COL7A1: variants seen among roughly 807,000 people sequenced by gnomAD.
COL7A1 encodes the protein collagen alpha-1(VII) chain.
In COL7A1, 296 loss-of-function variants were observed where a neutral mutation model predicts 456.2. The observed-to-expected ratio is 0.65, with a 90% CI of 0.59 to 0.71. The LOEUF (loss-of-function observed/expected upper bound fraction) is 0.71. Among genes scored for constraint, COL7A1 ranks in the 30% least tolerant of loss-of-function variants. The pLI is 0.00. For synonymous variants in COL7A1, 1,464 were observed against 1,525.9 expected (o/e 0.96, Z 0.95); for missense variants, 3,441 against 4,017.2 (o/e 0.86, Z 3.88).
Position 48,566,774 on chromosome 3 carries a change from G to A in COL7A1, c.8227-37C>T, listed in dbSNP as rs768172048. On this transcript the variant is annotated intron_variant, in intron 111 of 118. Coordinates refer to ENST00000681320, the MANE Select transcript of COL7A1 (RefSeq NM_000094.4). The surrounding 1 kb of genome is among the most constrained non-coding windows in gnomAD (Gnocchi z 5.9). ...AGGGACCAAGTGAGCAGGGTCAGAG[G>A]CAGTGGGGATCAGAGTCAGGCAGGT... 2.9e-5 allele frequency: 47 copies of A among 1,611,094 alleles called. No homozygotes were observed. Among genetic ancestry groups the A allele is most frequent in the Non-Finnish European group, 3.8e-5 (45 of 1,178,196 alleles).
Position 48,567,921 on chromosome 3 carries a change from T to C in COL7A1, c.7876-30A>G. ...GGGAGAAAAGCAGATGAAGAAGTGA[T>C]TCCCAGACACCTCACTCTGTGACCC... On this transcript the variant is annotated intron_variant, in intron 106 of 118. Transcript: ENST00000681320. This position sits in a 1 kb window ranked among gnomAD's most constrained non-coding sequence, Gnocchi z 4.3. 1 of 1,613,808 alleles carries C rather than the reference T, an allele frequency of 6.2e-7. No homozygotes were observed. Among genetic ancestry groups the C allele is most frequent in the East Asian group, 2.2e-5 (1 of 44,874 alleles).
Position 48,568,871 on chromosome 3 carries a change from G to A in COL7A1, c.7687-16C>T. On this transcript the variant is annotated splice_polypyrimidine_tract_variant and intron_variant, in intron 103 of 118. Coordinates refer to ENST00000681320, the MANE Select transcript of COL7A1 (RefSeq NM_000094.4). The surrounding 1 kb of genome is among the most constrained non-coding windows in gnomAD (Gnocchi z 5.2). ...CCTTGCTGCCCTGTGGGAGTGACCA[G>A]GAGAGGGATTCAGTCAGGACCAGAT... is the stretch of plus-strand genomic sequence containing the variant. 6.4e-7 allele frequency: 1 copy of A among 1,567,492 alleles called. No individual in the cohort carries two copies. The highest frequency in any genetic ancestry group is 8.7e-7 in the Non-Finnish European group (1 of 1,154,760).
Position 48,568,853 on chromosome 3 carries a change from G to A in COL7A1, c.7689C>T (p.Gly2563=), listed in dbSNP as rs779995041. ...RGDNGDPGDK[G]SKGEPGDKGS... ...CCTTGTCACCAGGCTCTCCCTTGCT[G>A]CCCTGTGGGAGTGACCAGGAGAGGG... The change falls in exon 104 of 119, where the codon GGC becomes GGT. Residue 2563 remains glycine, a splice_region_variant and synonymous_variant. Transcript: ENST00000681320. The surrounding 1 kb of genome is among the most constrained non-coding windows in gnomAD (Gnocchi z 5.2). 25 of 1,573,682 alleles carry A rather than the reference G, an allele frequency of 1.6e-5. No homozygotes were observed. In the South Asian group the frequency reaches 2.7e-4, roughly 17 times the overall value.
In COL7A1 at chr3:48,567,567, C is replaced by T; in HGVS notation, c.8046+7G>A. On this transcript the variant is annotated splice_region_variant and intron_variant, in intron 109 of 118. Transcript: ENST00000681320. This position sits in a 1 kb window ranked among gnomAD's most constrained non-coding sequence, Gnocchi z 4.3. ...CCTGTCATGTCCACTGTCCACAGAC[C>T]CTGTACCTTGGGACCGATCAGGCCC... The T allele has an allele frequency of 1.2e-6, 2 of 1,614,176 alleles. No individual in the cohort carries two copies. Among genetic ancestry groups the T allele is most frequent in the Non-Finnish European group, 1.7e-6 (2 of 1,180,018 alleles).
Position 48,570,556 on chromosome 3 carries a change from C to T in COL7A1, c.7345-56G>A. On this transcript the variant is annotated intron_variant, in intron 96 of 118. Coordinates refer to ENST00000681320, the MANE Select transcript of COL7A1 (RefSeq NM_000094.4). The surrounding 1 kb of genome is among the most constrained non-coding windows in gnomAD (Gnocchi z 5.5). The stretch of plus-strand genomic sequence containing the variant: ...GGCTCTCAAAGCGCCTCCCCCAACA[C>T]CCCACAGTGTGGCCCGCCCCATCCT... 5 of 1,613,752 alleles carry T rather than the reference C, an allele frequency of 3.1e-6. No homozygotes were observed. The highest frequency in any genetic ancestry group is 1.1e-5 in the South Asian group (1 of 91,066).
chr3:48,567,415 AC>A lies in COL7A1; in HGVS notation c.8046+158del. The A allele has an allele frequency of 9.2e-7, 1 of 1,090,048 alleles. No homozygotes were observed. The highest frequency in any genetic ancestry group is 1.4e-6 in the Non-Finnish European group (1 of 732,424). The allele number at this position is 1,090,048 out of a possible 1,614,324, so 67.5% of individuals were successfully genotyped here. On this transcript the variant is annotated intron_variant, in intron 109 of 118. Transcript: ENST00000681320. This position sits in a 1 kb window ranked among gnomAD's most constrained non-coding sequence, Gnocchi z 4.3. Reference sequence around the variant, plus strand: ...ATGCTTTCATCCTAACTCCACTGTGACCCCAACCCACCTTGACACCTCGAGA... The same window carrying A: ...ATGCTTTCATCCTAACTCCACTGTGACCCAACCCACCTTGACACCTCGAGA...
rs762512119 is a variant in COL7A1 at position 48,565,322 on chromosome 3, G to A, written c.8527+88C>T. ...CGTGTGCCCTGCATGCAGACCCTAC[G>A]TGCTTGGCGTGTGCCCTGCATTCAT... On this transcript the variant is annotated intron_variant, in intron 116 of 118. Transcript: ENST00000681320. This position sits in a 1 kb window ranked among gnomAD's most constrained non-coding sequence, Gnocchi z 4.5. The A allele has an allele frequency of 8.0e-5, 121 of 1,503,612 alleles. No homozygotes were observed. The highest frequency in any genetic ancestry group is 9.6e-5 in the Admixed American group (5 of 51,846). 93.1% of individuals were successfully genotyped at this position (1,503,612 alleles called of 1,614,324 possible). A position where few individuals can be genotyped will look rare whatever the true frequency, so the allele number is the denominator to read the frequency against.
chr3:48,564,412 C>G lies in COL7A1; in HGVS notation c.8829G>C (p.Gln2943His). 6.2e-7 allele frequency: 1 copy of G among 1,614,104 alleles called. No individual in the cohort carries two copies. The highest frequency in any genetic ancestry group is 1.1e-5 in the South Asian group (1 of 91,072). The part of the protein sequence containing the change: ...VVQSQGTGTA[Q>H]D ...TCAGCTCATTATCTGGGCCTCAGTC[C>G]TGGGCAGTACCTGGTGAGGACAGGT... Residue 2943 changes from glutamine (Q) to histidine (H), a missense_variant, in exon 119 of 119, where the codon CAG becomes CAC. Gln to His is a conservative substitution (Grantham distance 24). Coordinates refer to ENST00000681320, the MANE Select transcript of COL7A1 (RefSeq NM_000094.4). This position sits in a 1 kb window ranked among gnomAD's most constrained non-coding sequence, Gnocchi z 6.0.
In COL7A1 at chr3:48,580,025, C is replaced by A. The variant is rs780910426; in HGVS notation, c.5124+6G>T. The A allele has an allele frequency of 1.3e-5, 21 of 1,613,858 alleles. No homozygotes were observed. The highest frequency in any genetic ancestry group is 1.4e-5 in the Non-Finnish European group (16 of 1,179,982). On this transcript the variant is annotated splice_donor_region_variant and intron_variant, in intron 57 of 118. Coordinates refer to ENST00000681320, the MANE Select transcript of COL7A1 (RefSeq NM_000094.4). The surrounding 1 kb of genome is among the most constrained non-coding windows in gnomAD (Gnocchi z 4.5). ...GACAGAGGACCAGACCCAGCGCAGCCCTTACCAGCCGTCCCGGGGGTCCTG... is the reference window on the plus strand; with the variant it reads ...GACAGAGGACCAGACCCAGCGCAGCACTTACCAGCCGTCCCGGGGGTCCTG...
At position 48,565,177 on chromosome 3, in the gene COL7A1, T is replaced by C. The variant is rs2107626626; in HGVS notation, c.8552A>G (p.Glu2851Gly). 1.2e-6 allele frequency: 2 copies of C among 1,613,928 alleles called. No homozygotes were observed. Among genetic ancestry groups the C allele is most frequent in the East Asian group, 4.5e-5 (2 of 44,878 alleles). ...EEERVPPEDD[E>G]YSEYSEYSVE... ...AGAATACTCGGAGTATTCAGAGTAC[T>C]CATCATCCTCAGGGGGTACCCGCTC... Residue 2851 changes from glutamate (E) to glycine (G), a missense_variant, in exon 117 of 119, where the codon GAG becomes GGG. Glu to Gly is a moderately conservative substitution (Grantham distance 98). Around this residue, in one of 3 missense-constraint regions of COL7A1, gnomAD observed 2,084 missense variants for 2,501.3 expected, o/e 0.83. Transcript: ENST00000681320. The surrounding 1 kb of genome is among the most constrained non-coding windows in gnomAD (Gnocchi z 4.5).
Position 48,592,607 on chromosome 3 carries a change from G to T in COL7A1, c.939C>A (p.Asn313Lys). 4 of 1,614,082 alleles carry T rather than the reference G, an allele frequency of 2.5e-6. No individual in the cohort carries two copies. The highest frequency in any genetic ancestry group is 3.4e-6 in the Non-Finnish European group (4 of 1,180,042). The change falls in exon 8 of 119, where the codon AAC becomes AAA. Residue 313 changes from asparagine to lysine, a missense_variant. Physicochemically the swap from Asn to Lys is moderately conservative, Grantham distance 94 (BLOSUM62 0). Coordinates refer to ENST00000681320, the MANE Select transcript of COL7A1 (RefSeq NM_000094.4). This position sits in a 1 kb window ranked among gnomAD's most constrained non-coding sequence, Gnocchi z 7.6. ...YQVTVIALYANSIGEAVSGTA... is the reference protein window; with the variant it reads ...YQVTVIALYAKSIGEAVSGTA... ...TCCCGCTCACAGCCTCCCCGATGCT[G>T]TTGGCGTAGAGGGCAATCACAGTCA... is the stretch of plus-strand genomic sequence containing the variant.
Position 48,573,443 on chromosome 3 carries a change from G to A in COL7A1, c.6618+70C>T, listed in dbSNP as rs2044071123. Reference sequence around the variant, plus strand: ...CAGGAGATGACAGCCCAGGAGGTTGGCGCACACTACCCCAGGCATGGACAC... The same window carrying A: ...CAGGAGATGACAGCCCAGGAGGTTGACGCACACTACCCCAGGCATGGACAC... On this transcript the variant is annotated intron_variant, in intron 83 of 118. Transcript: ENST00000681320. This position sits in a 1 kb window ranked among gnomAD's most constrained non-coding sequence, Gnocchi z 5.5. The A allele has an allele frequency of 3.7e-6, 6 of 1,613,632 alleles. No individual in the cohort carries two copies. The highest frequency in any genetic ancestry group is 4.2e-6 in the Non-Finnish European group (5 of 1,179,634).
At chr3:48,582,052 C>A (rs1373482297) in intron 47 of COL7A1, 109 bp from the exon 48 acceptor site, 2 of 1,510,446 alleles carry the variant, frequency 1.3e-6, no homozygotes, top group Non-Finnish European at 1.8e-6. Context: ...AGCTCAGTCC[C>A]CGCCCAGAAG....
In COL7A1 at chr3:48,572,301, TA is replaced by T. The variant is rs886718896; in HGVS notation, c.6978+78del. 1 of 1,612,862 alleles carries T rather than the reference TA, an allele frequency of 6.2e-7. No homozygotes were observed. The highest frequency in any genetic ancestry group is 1.3e-5 in the African/African-American group (1 of 74,860). ...CTGAGGGTCATGAGGGTGGGTAAAC[TA>T]TGGGTCGAAGGTCAGAAGTTAGGCC... On this transcript the variant is annotated intron_variant, in intron 90 of 118. Transcript: ENST00000681320. This position sits in a 1 kb window ranked among gnomAD's most constrained non-coding sequence, Gnocchi z 4.6.
chr3:48,564,730 C>A lies in COL7A1; in HGVS notation c.8818+53G>T. ...GCCCAAGGACTCCTCCCCCAGAACC[C>A]GATCCAGGCAGGCTCAGTGCCCAGT... is the stretch of plus-strand genomic sequence containing the variant. On this transcript the variant is annotated intron_variant, in intron 118 of 118. Coordinates refer to ENST00000681320, the MANE Select transcript of COL7A1 (RefSeq NM_000094.4). This position sits in a 1 kb window ranked among gnomAD's most constrained non-coding sequence, Gnocchi z 6.0. The A allele has an allele frequency of 6.3e-7, 1 of 1,576,784 alleles. No individual in the cohort carries two copies. Among genetic ancestry groups the A allele is most frequent in the African/African-American group, 1.4e-5 (1 of 74,060 alleles).
Position 48,594,526 on chromosome 3 carries a change from G to C in COL7A1, c.108C>G (p.Ala36=). The change falls in exon 3 of 119, where the codon GCC becomes GCG. Residue 36 remains alanine (A), a synonymous_variant. Coordinates refer to ENST00000681320, the MANE Select transcript of COL7A1 (RefSeq NM_000094.4). This position sits in a 1 kb window ranked among gnomAD's most constrained non-coding sequence, Gnocchi z 5.5. ...CATCCAGTAAGAACACAATGTCAGC[G>C]GCGTAAAGGCGCGTGCAGGTCACTG... The part of the protein sequence containing the change: ...RERVTCTRLY[A]ADIVFLLDGS... The C allele has an allele frequency of 6.2e-7, 1 of 1,607,526 alleles. No homozygotes were observed. The highest frequency in any genetic ancestry group is 8.5e-7 in the Non-Finnish European group (1 of 1,178,184).
Position 48,571,059 on chromosome 3 carries a change from C to T in COL7A1, c.7164+42G>A, listed in dbSNP as rs759830610. ...ACTCCCTCTTCCTCCTGTGGGGGCCCGGCCTGCTGCCCCTACAACTGGTGA... is the reference window on the plus strand; with the variant it reads ...ACTCCCTCTTCCTCCTGTGGGGGCCTGGCCTGCTGCCCCTACAACTGGTGA... On this transcript the variant is annotated intron_variant, in intron 94 of 118. Coordinates refer to ENST00000681320, the MANE Select transcript of COL7A1 (RefSeq NM_000094.4). The surrounding 1 kb of genome is among the most constrained non-coding windows in gnomAD (Gnocchi z 4.6). The T allele has an allele frequency of 9.3e-6, 15 of 1,612,292 alleles. No homozygotes were observed. The highest frequency in any genetic ancestry group is 5.5e-5 in the South Asian group (5 of 91,048).
At chr3:48,589,194 T>C (rs982714300) in intron 18 of COL7A1, 133 bp downstream of exon 18, 7 of 1,485,084 alleles carry the variant, frequency 4.7e-6, no homozygotes, top group Non-Finnish European at 4.6e-6. Context: ...GGACACTTAA[T>C]CAGTGTGGGG....
At position 48,588,644 on chromosome 3, in the gene COL7A1, G is replaced by A. The variant is rs746386078; in HGVS notation, c.2585C>T (p.Thr862Met). The change falls in exon 20 of 119, where the codon ACG becomes ATG. Residue 862 changes from threonine to methionine, a missense_variant and splice_region_variant. This residue lies in a region of COL7A1 where 444 missense variants were observed against 427.6 expected (regional missense o/e 1.04). Transcript: ENST00000681320. The surrounding 1 kb of genome is among the most constrained non-coding windows in gnomAD (Gnocchi z 4.6). ...EGTPVSIVVT[T>M]PPEAPPALGT... ...TCTCCAGCGCATGCTCTGCCTACGC[G>A]TAGTGACAACAATGGAGACAGGTGT... 1.4e-5 allele frequency: 22 copies of A among 1,613,722 alleles called. No homozygotes were observed. Among genetic ancestry groups the A allele is most frequent in the East Asian group, 2.2e-5 (1 of 44,904 alleles).
Sources: allele counts gnomAD v4.1 joint callset, GRCh38; gene constraint gnomAD v4.1.1; regional missense constraint gnomAD v4.1.1; non-coding constraint Gnocchi (gnomAD v3.1); transcripts MANE v1.5; gene names NCBI Gene and HGNC (gene_info 2026-07-23, HGNC 2026-07-21).